The following CASP6 variants were observed in gnomAD, a reference collection of about 807,000 sequenced individuals.
CASP6 encodes caspase-6.
A neutral mutation model predicts 31.8 loss-of-function variants in CASP6; 20 were observed. That is an observed-to-expected ratio of 0.63 (90% confidence interval 0.44 to 0.91). CASP6 has a LOEUF of 0.91. CASP6 is among the 40% of genes least tolerant of loss of function. The pLI is 0.00. For synonymous variants in CASP6, 130 were observed against 127.8 expected, an observed-to-expected ratio of 1.02 and a Z score of -0.12; for missense variants, 328 against 361.1, an observed-to-expected ratio of 0.91 and a Z score of 0.74.
At chr4:109,704,870 A>G (rs1730549603), upstream of CASP6, among the ~76,000 whole-genome samples, 1 of 152,068 alleles carries the variant, frequency 6.6e-6, no homozygotes, top group Non-Finnish European at 1.5e-5. Flanking sequence ...TGTCCAGGTT[A>G]ATTTTGTATT....
At chr4:109,700,096 T>G (rs1170611227) in intron 1 of CASP6, among the ~76,000 whole-genome samples, 1 of 152,122 alleles carries the variant, frequency 6.6e-6, no homozygotes, top group Non-Finnish European at 1.5e-5. Flanking sequence ...ACAACCTAAC[T>G]CATGGAAGCT....
the CASP6 span, among the ~76,000 whole-genome samples, chr4:109,674,318 G>A: frequency 1.3e-5 from 2 of 152,180 alleles, no homozygotes; most frequent in African/African-American, 4.8e-5. Context: ...TACTAACTCC[G>A]TCATTCAAGG....
chr4:109,695,755 AAG>A, intron 4 of CASP6, among the ~76,000 whole-genome samples: 1 of 151,330 alleles, frequency 6.6e-6, no homozygotes, highest in East Asian at 2.0e-4. Context: ...AAAAAAAAAA[AAG>A]ATTATAGCAC....
At chr4:109,693,522 TATGAAA>T (rs966590133) in intron 5 of CASP6, among the ~76,000 whole-genome samples, 16 of 151,880 alleles carry the variant, frequency 1.1e-4, no homozygotes, top group African/African-American at 2.9e-4. Context: ...ACCCCATCTC[TATGAAA>T]ATACAAAAAT....
chr4:109,687,855 TTATTCTC>T (rs1729886451), downstream of CASP6: 1 of 422,428 alleles, frequency 2.4e-6, no homozygotes, highest in Admixed American at 4.2e-5. Flanking sequence ...TGTCCCACGT[TTATTCTC>T]TATGTGGAGG....
intron 3 of CASP6, among the ~76,000 whole-genome samples, chr4:109,697,353 C>G (rs1730278425): frequency 6.6e-6 from 1 of 151,746 alleles, no homozygotes; most frequent in South Asian, 2.1e-4. Context: ...CTCCGTGCAG[C>G]CTTGAACTCC....
At chr4:109,678,563 C>G in the CASP6 span, among the ~76,000 whole-genome samples, 26 of 143,690 alleles carry the variant, frequency 1.8e-4, no homozygotes, top group African/African-American at 6.4e-4. Context: ...GGCGGCCGGG[C>G]AGAGGAGCTC....
chr4:109,692,479 C>T (rs1730088008), intron 5 of CASP6: 1 of 152,214 alleles, frequency 6.6e-6, no homozygotes, highest in Admixed American at 6.5e-5. Context: ...TTTCTTCCCA[C>T]AGTAGCTCAT....
chr4:109,693,788 G>A (rs1730152227), intron 5 of CASP6, among the ~76,000 whole-genome samples: 1 of 151,290 alleles, frequency 6.6e-6, no homozygotes, highest in Non-Finnish European at 1.5e-5. Flanking sequence ...GCCCAGGCTG[G>A]AGTGCAGTGG....
downstream of CASP6, chr4:109,685,373 C>T (rs780117138): frequency 2.5e-6 from 3 of 1,197,056 alleles, no homozygotes; most frequent in South Asian, 1.2e-5. Context: ...CTAAGGTATA[C>T]TACAAATACA....
chr4:109,691,433 T>C (rs1730052542), intron 5 of CASP6, among the ~76,000 whole-genome samples: 1 of 152,178 alleles, frequency 6.6e-6, no homozygotes. Flanking sequence ...TGGCTGCTGC[T>C]ATAAATTGTT....
chr4:109,671,812 C>T, the CASP6 span, among the ~76,000 whole-genome samples: 1 of 152,080 alleles, frequency 6.6e-6, no homozygotes, highest in South Asian at 2.1e-4. Flanking sequence ...GAAAGCTAGA[C>T]ATGATGTATC....
At chr4:109,682,175 GCTAGTT>G in the CASP6 span, among the ~76,000 whole-genome samples, 1 of 152,356 alleles carries the variant, frequency 6.6e-6, no homozygotes, top group African/African-American at 2.4e-5. Flanking sequence ...AGGAAATCCA[GCTAGTT>G]CTGTCTCTCA....
chr4:109,671,414 T>C, the CASP6 span, among the ~76,000 whole-genome samples: 1 of 152,314 alleles, frequency 6.6e-6, no homozygotes, highest in Admixed American at 6.5e-5. Context: ...AGGTTTTTTT[T>C]CCATTCTTTT....
upstream of CASP6, among the ~76,000 whole-genome samples, chr4:109,704,927 A>T (rs537485526): frequency 6.6e-5 from 10 of 151,706 alleles, no homozygotes; most frequent in East Asian, 1.9e-3. Context: ...CTGGTCTTGA[A>T]CTCCTGACCT....
chr4:109,706,031 T>TAA (rs59826248), upstream of CASP6, among the ~76,000 whole-genome samples: 126 of 82,444 alleles, frequency 1.5e-3, 1 homozygote, highest in African/African-American at 7.0e-3. Context: ...TATATATATA[T>TAA]AATATATATA....
At chr4:109,709,148 AT>A in the CASP6 span, among the ~76,000 whole-genome samples, 3 of 152,222 alleles carry the variant, frequency 2.0e-5, no homozygotes, top group Admixed American at 2.0e-4. Context: ...AGCACTGAAG[AT>A]TACCTAAACT....
In CASP6 at chr4:109,697,689, AC is replaced by A; in HGVS notation, c.162del (p.Arg54SerfsTer6). The A allele has an allele frequency of 6.2e-7, 1 of 1,614,032 alleles. No individual in the cohort carries two copies. The highest frequency in any genetic ancestry group is 8.5e-7 in the Non-Finnish European group (1 of 1,179,974). On this transcript the variant is annotated frameshift_variant, in exon 3 of 7. Coordinates refer to ENST00000265164, the MANE Select transcript of CASP6 (RefSeq NM_001226.4). LOFTEE classifies it high-confidence loss of function. ...RGIALIFNHE[R>X]FFWHLTLPER... Reference sequence around the variant, plus strand: ...TCTGGCAGTGTTAAGTGCCAAAAGAACCTCTCATGATTGAAGATTAAAGCAA... The same window carrying A: ...TCTGGCAGTGTTAAGTGCCAAAAGAACTCTCATGATTGAAGATTAAAGCAA...
chr4:109,681,580 C>T, the CASP6 span: 1 of 358,088 alleles, frequency 2.8e-6, no homozygotes, highest in Non-Finnish European at 5.6e-6. Context: ...TGCAGTGTTA[C>T]AGCTCTATTA....
Sources: allele counts gnomAD v4.1 joint callset (sites outside exome capture counted in the v4.1 genomes callset), GRCh38; gene constraint gnomAD v4.1.1; transcripts MANE v1.5; gene names NCBI Gene and HGNC (gene_info 2026-07-23, HGNC 2026-07-21).